CSGALNACT1: variants seen among roughly 807,000 people sequenced by gnomAD.
CSGALNACT1 encodes beta4GalNAcT-1.
A neutral mutation model predicts 51.0 loss-of-function variants in CSGALNACT1; 52 were observed. That is an observed-to-expected ratio of 1.02 (90% CI 0.82 to 1.29). CSGALNACT1 has a LOEUF of 1.29. Among genes scored for constraint, CSGALNACT1 ranks in the 50% most tolerant of loss-of-function variants. The pLI, the probability that CSGALNACT1 is intolerant of heterozygous loss-of-function variation, is 0.00. For missense variants in CSGALNACT1, 935 were observed against 679.2 expected (o/e 1.38, Z -4.19); for synonymous variants, 341 against 254.4 (o/e 1.34, Z -3.24).
intron 1 of CSGALNACT1, among the ~76,000 whole-genome samples, chr8:19,635,267 T>A (rs2055879876): frequency 6.6e-6 from 1 of 152,122 alleles, no homozygotes; most frequent in Admixed American, 6.5e-5. Flanking sequence ...CCTTGGCGAG[T>A]AGGCCCGTGC....
intron 2 of CSGALNACT1, among the ~76,000 whole-genome samples, chr8:19,601,551 T>A (rs559787388): frequency 6.6e-6 from 1 of 152,220 alleles, no homozygotes; most frequent in Non-Finnish European, 1.5e-5. Context: ...TAGATGTAGA[T>A]GTAGATGTTA....
chr8:19,420,477 C>G, exon 7 of CSGALNACT1: 1 of 1,614,194 alleles, frequency 6.2e-7, no homozygotes. Flanking sequence ...AGAAAATTCT[C>G]CATTCAGCTG....
rs1238878230 is a variant in CSGALNACT1, at chr8:19,658,076, A to C, written c.-544+24397T>G. Among the ~76,000 whole-genome samples the C allele has an allele frequency of 3.3e-5, 5 of 151,496 alleles. 1 individual carries two copies. In the South Asian group the frequency reaches 1.0e-3, roughly 32 times the overall value. On this transcript the variant is annotated intron_variant, in intron 1 of 9. Transcript: ENST00000332246. ...CACCCTCCTTCCAAAAAAAAAAAAAAAAAAAAAAGTCCTGTTAAAGCCCTA... is the reference window on the plus strand; with the variant it reads ...CACCCTCCTTCCAAAAAAAAAAAAACAAAAAAAAGTCCTGTTAAAGCCCTA...
chr8:19,733,200 T>C (rs781148985), intron 1 of CSGALNACT1, among the ~76,000 whole-genome samples: 1 of 152,212 alleles, frequency 6.6e-6, no homozygotes, highest in Non-Finnish European at 1.5e-5. Context: ...GTGCTTTATA[T>C]GGAAGGTATC....
chr8:19,549,477 G>T (rs139327625), intron 3 of CSGALNACT1, among the ~76,000 whole-genome samples: 17 of 151,982 alleles, frequency 1.1e-4, no homozygotes, highest in African/African-American at 4.1e-4. Flanking sequence ...AAACAATTAG[G>T]TACTTTTTCC....
At chr8:19,441,658 G>A (rs1586091088) in intron 5 of CSGALNACT1, among the ~76,000 whole-genome samples, 1 of 152,138 alleles carries the variant, frequency 6.6e-6, no homozygotes, top group South Asian at 2.1e-4. Context: ...CATAGGCATG[G>A]GCAAGGACTT....
intron 3 of CSGALNACT1, among the ~76,000 whole-genome samples, chr8:19,514,209 A>G (rs2079034261): frequency 6.6e-6 from 1 of 151,880 alleles, no homozygotes; most frequent in African/African-American, 2.4e-5. Context: ...GGGAGTCAAC[A>G]ATTAAATGCC....
At position 19,513,434 on chromosome 8, in the gene CSGALNACT1, C is replaced by CTATATATATATA. The variant is rs1353825526; in HGVS notation, c.-296-7305_-296-7304insTATATATATATA. 5.6e-3 allele frequency among the ~76,000 whole-genome samples: 374 copies of CTATATATATATA among 66,356 alleles called. 3 individuals are homozygous for CTATATATATATA. Among genetic ancestry groups the CTATATATATATA allele is most frequent in the Non-Finnish European group, 0.01 (318 of 30,542 alleles). The allele number at this position is 66,356 out of a possible 152,430, so 43.5% of individuals were successfully genotyped here. ...TCTCTCACTCTCTCTCTCTCTCTCT[C>CTATATATATATA]TCTATATATATATATATATATATAT... On this transcript the variant is annotated intron_variant, in intron 3 of 9. Transcript: ENST00000454498.
chr8:19,454,926 C>G, intron 5 of CSGALNACT1, among the ~76,000 whole-genome samples: 1 of 152,154 alleles, frequency 6.6e-6, no homozygotes, highest in East Asian at 1.9e-4. Flanking sequence ...TATTATACTT[C>G]CGGTTTTTTT....
intron 1 of CSGALNACT1, among the ~76,000 whole-genome samples, chr8:19,613,442 C>T (rs978976745): frequency 3.3e-5 from 5 of 152,298 alleles, no homozygotes; most frequent in South Asian, 2.1e-4. Flanking sequence ...GTTCACCATG[C>T]GCACACTATT....
intron 4 of CSGALNACT1, among the ~76,000 whole-genome samples, chr8:19,474,102 G>T (rs2068832918): frequency 2.0e-5 from 3 of 152,014 alleles, no homozygotes. Flanking sequence ...TAATAACAAT[G>T]GTCCAGATCC....
intron 1 of CSGALNACT1, among the ~76,000 whole-genome samples, chr8:19,698,334 G>C (rs542651869): frequency 6.6e-6 from 1 of 152,228 alleles, no homozygotes; most frequent in Non-Finnish European, 1.5e-5. Context: ...ACCAACAGCT[G>C]TGAACATTGA....
chr8:19,435,319 C>G (rs185957360), intron 6 of CSGALNACT1, among the ~76,000 whole-genome samples: 70 of 152,028 alleles, frequency 4.6e-4, no homozygotes, highest in Non-Finnish European at 4.4e-5. Context: ...TTGGTGAAAC[C>G]CCATCTCTTC....
chr8:19,405,018 T>C, exon 10 of CSGALNACT1: 1 of 453,200 alleles, frequency 2.2e-6, no homozygotes, highest in African/African-American at 2.0e-5. Context: ...TGCTTTGAAC[T>C]GAAAGTTCTC....
At chr8:19,607,933 A>T (rs897994273) in intron 1 of CSGALNACT1, among the ~76,000 whole-genome samples, 1 of 152,250 alleles carries the variant, frequency 6.6e-6, no homozygotes, top group Non-Finnish European at 1.5e-5. Context: ...GAAAATGCAG[A>T]CAGCACTGAG....
chr8:19,734,987 G>C (rs1244734459), intron 1 of CSGALNACT1, among the ~76,000 whole-genome samples: 5 of 152,046 alleles, frequency 3.3e-5, no homozygotes, highest in Admixed American at 6.6e-5. Flanking sequence ...GATCAGGTTT[G>C]ATCTTGCTAT....
At chr8:19,727,992 T>C (rs2063494238) in intron 1 of CSGALNACT1, among the ~76,000 whole-genome samples, 1 of 152,114 alleles carries the variant, frequency 6.6e-6, no homozygotes, top group Non-Finnish European at 1.5e-5. Context: ...AAGATGTCAT[T>C]CCAAGTGCGA....
intron 5 of CSGALNACT1, among the ~76,000 whole-genome samples, chr8:19,452,641 A>T (rs564506994): frequency 6.6e-6 from 1 of 152,322 alleles, no homozygotes; most frequent in African/African-American, 2.4e-5. Context: ...GAGCTGCTGA[A>T]GATGAGCAAG....
intron 1 of CSGALNACT1, among the ~76,000 whole-genome samples, chr8:19,694,116 TATTTA>T (rs1172635250): frequency 6.6e-6 from 1 of 152,196 alleles, no homozygotes; most frequent in East Asian, 1.9e-4. Flanking sequence ...ATTAAGTGAA[TATTTA>T]ATTTAATCAG....
Sources: gnomAD v4.1 joint callset for allele counts (sites outside exome capture counted in the v4.1 genomes callset) on GRCh38, gnomAD v4.1.1 for gene constraint, MANE v1.5 for transcripts, NCBI Gene and HGNC (gene_info 2026-07-23, HGNC 2026-07-21) for gene names.